The following DPF3 variants were observed in gnomAD, a reference collection of about 807,000 sequenced individuals.
DPF3 encodes the protein zinc finger protein DPF3.
Under a neutral mutation model 56.8 loss-of-function variants are expected in DPF3, and 18 were observed. The observed-to-expected ratio is 0.32, with a 90% CI of 0.22 to 0.47. The LOEUF (loss-of-function observed/expected upper bound fraction) is 0.47. Among genes scored for constraint, DPF3 ranks in the 20% least tolerant of loss-of-function variants. The pLI is 1.00. For synonymous variants in DPF3, 188 were observed against 180.2 expected (o/e 1.04, Z -0.35); for missense variants, 403 against 488.8 (o/e 0.82, Z 1.65).
chr14:72,838,494 CA>C (rs1032418960), intron 1 of DPF3, among the ~76,000 whole-genome samples: 7 of 151,736 alleles, frequency 4.6e-5, no homozygotes, highest in Non-Finnish European at 1.0e-4. Context: ...ACCCTGTCTC[CA>C]AAAAACAGCA....
intron 8 of DPF3, among the ~76,000 whole-genome samples, chr14:72,643,975 C>T (rs1298066888): frequency 6.6e-6 from 1 of 152,172 alleles, no homozygotes; most frequent in African/African-American, 2.4e-5. Context: ...CCTTTTCCCC[C>T]TTTCATTCTC....
At chr14:72,711,156 T>A (rs912855723) in intron 6 of DPF3, among the ~76,000 whole-genome samples, 1 of 151,984 alleles carries the variant, frequency 6.6e-6, no homozygotes, top group African/African-American at 2.4e-5. Flanking sequence ...CAGAAAGGGG[T>A]TGGGGTCCAA....
intron 6 of DPF3, among the ~76,000 whole-genome samples, chr14:72,695,833 A>G (rs1016641502): frequency 2.0e-5 from 3 of 152,220 alleles, no homozygotes; most frequent in Non-Finnish European, 4.4e-5. Flanking sequence ...CTGAATCTAA[A>G]AAAATAAAAA....
chr14:72,701,959 G>A (rs1888182450), intron 6 of DPF3, among the ~76,000 whole-genome samples: 1 of 152,182 alleles, frequency 6.6e-6, no homozygotes, highest in African/African-American at 2.4e-5. Context: ...ATGCCTCCAA[G>A]GCATCACACC....
intron 7 of DPF3, among the ~76,000 whole-genome samples, chr14:72,686,104 T>C (rs149867727): frequency 2.9e-3 from 437 of 152,382 alleles, no homozygotes; most frequent in Middle Eastern, 0.017. Context: ...ATAATGAGCC[T>C]GTTCAGAAGG....
chr14:72,762,550 T>TAA (rs1033109450), intron 2 of DPF3, among the ~76,000 whole-genome samples: 1 of 147,086 alleles, frequency 6.8e-6, no homozygotes, highest in Non-Finnish European at 1.5e-5. Flanking sequence ...ATTTGTGATT[T>TAA]AAAAAAAAAA....
At chr14:72,831,183 A>C (rs1043413952) in intron 1 of DPF3, among the ~76,000 whole-genome samples, 3 of 152,168 alleles carry the variant, frequency 2.0e-5, no homozygotes, top group Non-Finnish European at 4.4e-5. Flanking sequence ...ACGGCAGATT[A>C]AACAAGCAGG....
At chr14:72,763,156 T>C (rs1891131351) in intron 2 of DPF3, among the ~76,000 whole-genome samples, 1 of 152,060 alleles carries the variant, frequency 6.6e-6, no homozygotes, top group Non-Finnish European at 1.5e-5. Context: ...CAAGACTCAA[T>C]ACTGAAAATT....
At chr14:72,675,375 G>A (rs1444402557) in intron 7 of DPF3, 1 of 152,134 alleles carries the variant, frequency 6.6e-6, no homozygotes, top group Non-Finnish European at 1.5e-5. Context: ...CACACTCCCT[G>A]TTTGTAACTA....
chr14:72,872,428 A>T (rs1029428958), intron 1 of DPF3, among the ~76,000 whole-genome samples: 7 of 152,138 alleles, frequency 4.6e-5, no homozygotes, highest in Non-Finnish European at 8.8e-5. Flanking sequence ...CAGGCTGCAA[A>T]TTTTCCAAAC....
At chr14:72,640,045 G>GT (rs1491429321) in intron 8 of DPF3, among the ~76,000 whole-genome samples, 9 of 11,958 alleles carry the variant, frequency 7.5e-4, no homozygotes, top group Admixed American at 1.4e-3. Context: ...AGTTTTCTAA[G>GT]TAAAAAAAAA....
chr14:72,804,837 C>CA (rs1218050382), intron 1 of DPF3, among the ~76,000 whole-genome samples: 2 of 152,102 alleles, frequency 1.3e-5, no homozygotes, highest in African/African-American at 4.8e-5. Flanking sequence ...TGGGAGGTGT[C>CA]ATGGAAGACA....
chr14:72,752,834 A>G (rs1890634709), intron 3 of DPF3, among the ~76,000 whole-genome samples: 1 of 152,190 alleles, frequency 6.6e-6, no homozygotes, highest in Non-Finnish European at 1.5e-5. Flanking sequence ...GATGCTCCAA[A>G]GCTCATACAG....
chr14:72,885,842 T>C (rs80265597), intron 1 of DPF3, among the ~76,000 whole-genome samples: 12,042 of 152,294 alleles, frequency 0.079, 627 homozygotes, highest in South Asian at 0.14. Flanking sequence ...AAAAGTGGGC[T>C]ATCCATACAA....
intron 9 of DPF3, among the ~76,000 whole-genome samples, chr14:72,628,072 C>T (rs1301626890): frequency 1.3e-5 from 2 of 151,956 alleles, no homozygotes; most frequent in African/African-American, 2.4e-5. Flanking sequence ...AGTTTTATTA[C>T]TTTGTTATCC....
intron 1 of DPF3, among the ~76,000 whole-genome samples, chr14:72,774,519 CG>C (rs1463391050): frequency 2.0e-5 from 3 of 152,140 alleles, no homozygotes; most frequent in Non-Finnish European, 4.4e-5. Flanking sequence ...AAAAAGTCAA[CG>C]GGTCAGGTTC....
intron 8 of DPF3, among the ~76,000 whole-genome samples, chr14:72,643,651 C>T (rs1041871947): frequency 6.6e-6 from 1 of 152,238 alleles, no homozygotes; most frequent in Non-Finnish European, 1.5e-5. Flanking sequence ...CCAGCTATTC[C>T]CACTTGCAGC....
At chr14:72,647,123 C>T (rs1023301481) in intron 8 of DPF3, among the ~76,000 whole-genome samples, 13 of 152,182 alleles carry the variant, frequency 8.5e-5, no homozygotes, top group Non-Finnish European at 1.9e-4. Flanking sequence ...TCCTGCCCAC[C>T]TCATCCTTCT....
chr14:72,646,431 A>C (rs1045115267), intron 8 of DPF3, among the ~76,000 whole-genome samples: 2 of 152,220 alleles, frequency 1.3e-5, no homozygotes, highest in African/African-American at 4.8e-5. Flanking sequence ...TACGAAGTGC[A>C]TCCAGAAAGA....
Sources: allele counts gnomAD v4.1 joint callset (sites outside exome capture counted in the v4.1 genomes callset), GRCh38; gene constraint gnomAD v4.1.1; transcripts MANE v1.5; gene names NCBI Gene and HGNC (gene_info 2026-07-23, HGNC 2026-07-21).